PTPRO: variants seen among roughly 807,000 people sequenced by gnomAD.
The protein encoded by PTPRO is protein tyrosine phosphatase receptor type O.
In PTPRO, 62 loss-of-function variants were observed where a neutral mutation model predicts 145.2. The ratio of observed to expected loss-of-function variants is 0.43; its 90% CI spans 0.35 to 0.53. PTPRO has a LOEUF of 0.53. Ranked by LOEUF, PTPRO falls within the 20% of genes least tolerant of loss-of-function variation. PTPRO has a pLI of 0.01. For synonymous variants in PTPRO, 565 were observed against 514.7 expected, an observed-to-expected ratio of 1.10 and a Z score of -1.32; for missense variants, 1,345 against 1,482.7, an observed-to-expected ratio of 0.91 and a Z score of 1.53.
chr12:15,349,700 G>A (rs549749045), intron 1 of PTPRO, among the ~76,000 whole-genome samples: 25 of 152,120 alleles, frequency 1.6e-4, no homozygotes, highest in Non-Finnish European at 3.2e-4. Context: ...AACAAAAGTA[G>A]GATTCAAACC....
At chr12:15,358,315 A>AT (rs1481669514) in intron 1 of PTPRO, among the ~76,000 whole-genome samples, 1 of 151,450 alleles carries the variant, frequency 6.6e-6, no homozygotes, top group African/African-American at 2.4e-5. Context: ...GCACACCAGC[A>AT]TGGCACATGT....
At chr12:15,504,407 C>T (rs1010710146) in intron 6 of PTPRO, among the ~76,000 whole-genome samples, 2 of 152,014 alleles carry the variant, frequency 1.3e-5, no homozygotes, top group African/African-American at 2.4e-5. Context: ...GAGCCCATAA[C>T]GAAATGATAT....
intron 1 of PTPRO, among the ~76,000 whole-genome samples, chr12:15,383,274 C>T (rs1938920289): frequency 6.6e-6 from 1 of 152,168 alleles, no homozygotes; most frequent in Admixed American, 6.5e-5. Flanking sequence ...CCATATCTAT[C>T]CATGTTGTCA....
At chr12:15,332,249 T>C (rs993968732) in intron 1 of PTPRO, among the ~76,000 whole-genome samples, 3 of 152,226 alleles carry the variant, frequency 2.0e-5, no homozygotes, top group Non-Finnish European at 1.5e-5. Context: ...GCTTATATGA[T>C]AGATGCTTTG....
intron 1 of PTPRO, among the ~76,000 whole-genome samples, chr12:15,358,984 G>C (rs1413379601): frequency 6.6e-6 from 1 of 152,130 alleles, no homozygotes; most frequent in East Asian, 1.9e-4. Context: ...AAATGATCAA[G>C]GCATGTACAG....
intron 1 of PTPRO, among the ~76,000 whole-genome samples, chr12:15,377,536 T>A (rs1405135641): frequency 6.6e-6 from 1 of 151,698 alleles, no homozygotes; most frequent in East Asian, 1.9e-4. Context: ...TATAAATAAT[T>A]TAAAAATTAT....
intron 12 of PTPRO, among the ~76,000 whole-genome samples, chr12:15,541,785 G>A (rs1476029277): frequency 1.3e-5 from 2 of 152,282 alleles, no homozygotes; most frequent in East Asian, 1.9e-4. Flanking sequence ...GCTGAGGTGG[G>A]TGGATCACTT....
rs193133262 is a variant in PTPRO at position 15,360,840 on chromosome 12, G to A, written c.75+38039G>A. Among the ~76,000 whole-genome samples, 198 of 117,826 alleles carry A rather than the reference G, an allele frequency of 1.7e-3. 7 individuals are homozygous for A. The highest frequency in any genetic ancestry group is 5.7e-3 in the African/African-American group (191 of 33,396). 77.3% of individuals were successfully genotyped at this position (117,826 alleles called of 152,430 possible). Reference sequence around the variant, plus strand: ...TATATATGTGTGTGTATATATATACGTGTGTATATATGTGTGTGTATATAT... The same window carrying A: ...TATATATGTGTGTGTATATATATACATGTGTATATATGTGTGTGTATATAT... On this transcript the variant is annotated intron_variant, in intron 1 of 26. Coordinates refer to ENST00000281171, the MANE Select transcript of PTPRO (RefSeq NM_030667.3).
At chr12:15,369,119 T>G (rs141753627) in intron 1 of PTPRO, among the ~76,000 whole-genome samples, 3 of 152,274 alleles carry the variant, frequency 2.0e-5, no homozygotes, top group African/African-American at 7.2e-5. Context: ...GAAAGGAGTT[T>G]TAATTGGACC....
chr12:15,458,026 C>T (rs1300828576), intron 1 of PTPRO, among the ~76,000 whole-genome samples: 1 of 152,272 alleles, frequency 6.6e-6, no homozygotes, highest in South Asian at 2.1e-4. Flanking sequence ...TTAAGCATTT[C>T]TTGTAAAGCA....
At chr12:15,454,083 G>T (rs764876928) in intron 1 of PTPRO, among the ~76,000 whole-genome samples, 12 of 152,106 alleles carry the variant, frequency 7.9e-5, no homozygotes, top group Non-Finnish European at 1.8e-4. Flanking sequence ...AATAATTTTG[G>T]ATAAATACCT....
intron 13 of PTPRO, 57 bp downstream of exon 13, chr12:15,546,765 G>A: frequency 6.3e-7 from 1 of 1,593,436 alleles, no homozygotes; most frequent in Admixed American, 1.7e-5. Context: ...CTAATTATCT[G>A]GGCAAAATAA....
intron 1 of PTPRO, among the ~76,000 whole-genome samples, chr12:15,359,725 G>A (rs549602656): frequency 6.6e-6 from 1 of 152,162 alleles, no homozygotes; most frequent in African/African-American, 2.4e-5. Flanking sequence ...ACCGCACCAG[G>A]CCATTGGATC....
chr12:15,361,160 G>A lies in PTPRO; in HGVS notation c.75+38359G>A, dbSNP rs143214027. Reference sequence around the variant, plus strand: ...GCTGCAGAAATTCAGAACATGGGTCGGGCGTGGTGGCTCACGTCTGTAATC... The same window carrying A: ...GCTGCAGAAATTCAGAACATGGGTCAGGCGTGGTGGCTCACGTCTGTAATC... On this transcript the variant is annotated intron_variant, in intron 1 of 26. Transcript: ENST00000281171. 3.4e-3 allele frequency among the ~76,000 whole-genome samples: 509 copies of A among 151,596 alleles called. 6 individuals carry two copies. Among genetic ancestry groups the A allele is most frequent in the East Asian group, 0.028 (143 of 5,100 alleles).
chr12:15,500,601 CAAAG>C lies in PTPRO; in HGVS notation c.661+1008_661+1011del, dbSNP rs140794801. 5.2e-3 allele frequency among the ~76,000 whole-genome samples: 784 copies of C among 152,186 alleles called. 50 individuals are homozygous for C. The East Asian group carries it at 0.14, about 26-fold the overall frequency. ...AGAGGTACAAAGTTATTTAACAACA[CAAAG>C]GAAGGAGAGATAAATTTTTATTAGA... On this transcript the variant is annotated intron_variant, in intron 4 of 26. Coordinates refer to ENST00000281171, the MANE Select transcript of PTPRO (RefSeq NM_030667.3).
At chr12:15,367,858 T>TC (rs1413632801) in intron 1 of PTPRO, among the ~76,000 whole-genome samples, 1 of 152,092 alleles carries the variant, frequency 6.6e-6, no homozygotes, top group African/African-American at 2.4e-5. Flanking sequence ...ACCACCATGC[T>TC]CGTAACTTTC....
intron 1 of PTPRO, among the ~76,000 whole-genome samples, chr12:15,331,555 A>C (rs1866610415): frequency 6.6e-6 from 1 of 152,380 alleles, no homozygotes; most frequent in East Asian, 1.9e-4. Context: ...AAATGACCAC[A>C]AAGTACTGGG....
At chr12:15,542,309 T>C (rs1177430321) in intron 12 of PTPRO, among the ~76,000 whole-genome samples, 1 of 152,192 alleles carries the variant, frequency 6.6e-6, no homozygotes, top group Non-Finnish European at 1.5e-5. Context: ...ACACATAAAA[T>C]ATGCTAACAC....
intron 1 of PTPRO, among the ~76,000 whole-genome samples, chr12:15,429,070 A>G (rs1375900927): frequency 6.6e-6 from 1 of 152,224 alleles, no homozygotes; most frequent in Non-Finnish European, 1.5e-5. Flanking sequence ...TAGAAATTGG[A>G]TATTGAAGAC....
Sources: allele counts gnomAD v4.1 joint callset (sites outside exome capture counted in the v4.1 genomes callset), GRCh38; gene constraint gnomAD v4.1.1; transcripts MANE v1.5; gene names NCBI Gene and HGNC (gene_info 2026-07-23, HGNC 2026-07-21).